BMPR2: variants seen among roughly 807,000 people sequenced by gnomAD.
The protein encoded by BMPR2 is bone morphogenetic protein receptor type-2.
In BMPR2, 29 loss-of-function variants were observed where a neutral mutation model predicts 100.8. That is an observed-to-expected ratio of 0.29 (90% CI 0.21 to 0.39). The LOEUF (loss-of-function observed/expected upper bound fraction) is 0.39. Among genes scored for constraint, BMPR2 ranks in the 10% least tolerant of loss-of-function variants. The pLI, the probability that BMPR2 is intolerant of heterozygous loss-of-function variation, is 1.00. For synonymous variants in BMPR2, 382 were observed against 442.3 expected, an observed-to-expected ratio of 0.86 and a Z score of 1.71; for missense variants, 1,011 against 1,274.5, an observed-to-expected ratio of 0.79 and a Z score of 3.15.
At chr2:202,537,904 C>T (rs1397998664) in intron 9 of BMPR2, among the ~76,000 whole-genome samples, 1 of 152,024 alleles carries the variant, frequency 6.6e-6, no homozygotes, top group Non-Finnish European at 1.5e-5. Flanking sequence ...GGGGGTGGAT[C>T]TCCAGGTCAG....
intron 1 of BMPR2, among the ~76,000 whole-genome samples, chr2:202,399,622 C>T (rs962000302): frequency 2.6e-5 from 4 of 152,138 alleles, no homozygotes; most frequent in African/African-American, 7.2e-5. Context: ...TCTGGTTTAT[C>T]GGTAGAGAAG....
At chr2:202,450,950 A>G (rs904885185) in intron 1 of BMPR2, among the ~76,000 whole-genome samples, 5 of 152,166 alleles carry the variant, frequency 3.3e-5, no homozygotes, top group African/African-American at 1.2e-4. Flanking sequence ...TATTTGCCCC[A>G]TTACTGCAAG....
chr2:202,380,002 AGCCCACCACCAT>A (rs1211879746), intron 1 of BMPR2, among the ~76,000 whole-genome samples: 2 of 151,986 alleles, frequency 1.3e-5, no homozygotes, highest in Non-Finnish European at 2.9e-5. Flanking sequence ...AGATTACGGG[AGCCCACCACCAT>A]GCCCAGCTAA....
intron 1 of BMPR2, among the ~76,000 whole-genome samples, chr2:202,394,218 G>A (rs1690614494): frequency 6.6e-6 from 1 of 152,040 alleles, no homozygotes; most frequent in African/African-American, 2.4e-5. Context: ...TGGGCATGGC[G>A]GCAGGAACCT....
intron 1 of BMPR2, among the ~76,000 whole-genome samples, chr2:202,461,712 G>T (rs567330594): frequency 6.6e-6 from 1 of 152,232 alleles, no homozygotes; most frequent in African/African-American, 2.4e-5. Flanking sequence ...TAAATCAGAA[G>T]CAGCAGTTCA....
chr2:202,477,868 T>C (rs1352069573), intron 3 of BMPR2, among the ~76,000 whole-genome samples: 2 of 152,168 alleles, frequency 1.3e-5, no homozygotes, highest in Admixed American at 6.5e-5. Flanking sequence ...TTTCCTCCAA[T>C]TGTATATTTG....
intron 1 of BMPR2, among the ~76,000 whole-genome samples, chr2:202,461,811 A>G (rs1692229966): frequency 6.6e-6 from 1 of 152,184 alleles, no homozygotes. Context: ...TTTCTTAGTT[A>G]TTCCACAAAC....
chr2:202,531,059 T>C, intron 8 of BMPR2, 105 bp downstream of exon 8: 1 of 1,395,124 alleles, frequency 7.2e-7, no homozygotes, highest in East Asian at 2.4e-5. Context: ...TCCCAGCACT[T>C]TGGTAGGCCC....
intron 3 of BMPR2, among the ~76,000 whole-genome samples, chr2:202,473,277 A>G (rs1692471787): frequency 6.6e-6 from 1 of 152,178 alleles, no homozygotes; most frequent in Admixed American, 6.5e-5. Flanking sequence ...TACCAAAAAT[A>G]CAAAAATTAG....
Position 202,552,776 on chromosome 2 carries a change from C to T in BMPR2, c.1474C>T (p.Leu492Phe). 6.2e-7 allele frequency: 1 copy of T among 1,614,114 alleles called. No individual in the cohort carries two copies. The highest frequency in any genetic ancestry group is 8.5e-7 in the Non-Finnish European group (1 of 1,180,024). The change falls in exon 11 of 13, where the codon CTT (leucine) becomes TTT (phenylalanine). Residue 492 changes from leucine (L) to phenylalanine (F), a missense_variant. Physicochemically the swap from Leu to Phe is conservative, Grantham distance 22. Coordinates refer to ENST00000374580, the MANE Select transcript of BMPR2 (RefSeq NM_001204.7). ...DCWDQDAEAR[L>F]TAQCAEERMA... ...TTGGGACCAGGATGCAGAGGCTCGG[C>T]TTACTGCACAGTGTGCTGAGGAAAG...
intron 1 of BMPR2, among the ~76,000 whole-genome samples, chr2:202,451,240 T>A (rs1691973060): frequency 6.6e-6 from 1 of 152,210 alleles, no homozygotes; most frequent in South Asian, 2.1e-4. Flanking sequence ...TACTTTTCAA[T>A]TATAGGTTAT....
intron 3 of BMPR2, among the ~76,000 whole-genome samples, chr2:202,485,508 T>G (rs2105977148): frequency 6.7e-6 from 1 of 148,514 alleles, no homozygotes; most frequent in African/African-American, 2.4e-5. Context: ...CACATGGCCT[T>G]CATCTCTATG....
chr2:202,379,954 C>A (rs546848893), intron 1 of BMPR2, among the ~76,000 whole-genome samples: 101 of 152,136 alleles, frequency 6.6e-4, no homozygotes, highest in African/African-American at 2.2e-3. Flanking sequence ...GCCTCCCAGG[C>A]GCAAGTGGTT....
chr2:202,497,705 T>TG lies in BMPR2; in HGVS notation c.419-16011dup, dbSNP rs1259215325. On this transcript the variant is annotated intron_variant, in intron 3 of 12. Coordinates refer to ENST00000374580, the MANE Select transcript of BMPR2 (RefSeq NM_001204.7). ...CGTATCTATCCTGACCCTTGCCCCC[T>TG]GGGTCCTAATGCCTGCCAGACAAAC... is the stretch of plus-strand genomic sequence containing the variant. Among the ~76,000 whole-genome samples, 22 of 152,352 alleles carry TG rather than the reference T, an allele frequency of 1.4e-4. No individual in the cohort carries two copies. The East Asian group carries it at 4.2e-3, about 29-fold the overall frequency.
chr2:202,542,829 T>G (rs1026165309), intron 10 of BMPR2, among the ~76,000 whole-genome samples: 6 of 152,196 alleles, frequency 3.9e-5, no homozygotes, highest in African/African-American at 1.4e-4. Flanking sequence ...AATGAAAATT[T>G]AGGCTAGACC....
intron 1 of BMPR2, among the ~76,000 whole-genome samples, chr2:202,430,077 A>G (rs930849659): frequency 3.9e-5 from 6 of 152,232 alleles, no homozygotes; most frequent in Non-Finnish European, 5.9e-5. Context: ...GCCAGCAGTC[A>G]GGTTCTGGTG....
rs1298579689 is a variant in BMPR2, at chr2:202,441,766, G to A, written c.77-23043G>A. On this transcript the variant is annotated intron_variant, in intron 1 of 12. Transcript: ENST00000374580. ...TTATAAAATGTGGCCAGGCGTGGTG[G>A]CTCACGCCTGTAATCCCAGCACTTT... 5.4e-5 allele frequency among the ~76,000 whole-genome samples: 8 copies of A among 148,076 alleles called. 1 individual carries two copies. Among genetic ancestry groups the A allele is most frequent in the African/African-American group, 2.1e-4 (8 of 38,508 alleles).
At chr2:202,498,527 G>A (rs549359804) in intron 3 of BMPR2, among the ~76,000 whole-genome samples, 4 of 150,058 alleles carry the variant, frequency 2.7e-5, no homozygotes, top group East Asian at 1.9e-4. Flanking sequence ...CTGCTGCGTC[G>A]GTGAGCACAA....
intron 3 of BMPR2, among the ~76,000 whole-genome samples, chr2:202,471,884 T>C (rs576525124): frequency 1.1e-4 from 17 of 152,028 alleles, no homozygotes; most frequent in African/African-American, 3.9e-4. Context: ...AGGACCATGA[T>C]TCTACTGTGT....
Sources: gnomAD v4.1 joint callset for allele counts (sites outside exome capture counted in the v4.1 genomes callset) on GRCh38, gnomAD v4.1.1 for gene constraint, MANE v1.5 for transcripts, NCBI Gene and HGNC (gene_info 2026-07-23, HGNC 2026-07-21) for gene names.